IFTAP: variants seen among roughly 807,000 people sequenced by gnomAD.
The protein encoded by IFTAP is intraflagellar transport associated protein.
A neutral mutation model predicts 19.4 loss-of-function variants in IFTAP; 19 were observed. That is an observed-to-expected ratio of 0.98 (90% confidence interval 0.68 to 1.44). IFTAP has a LOEUF of 1.44. Among genes scored for constraint, IFTAP ranks in the 40% most tolerant of loss-of-function variants. IFTAP has a pLI of 0.00. For synonymous variants in IFTAP, 85 were observed against 83.5 expected, an observed-to-expected ratio of 1.02 and a Z score of -0.10; for missense variants, 240 against 253.6, an observed-to-expected ratio of 0.95 and a Z score of 0.36.
chr11:36,596,662 A>G (rs1251887316), intron 1 of IFTAP, among the ~76,000 whole-genome samples: 3 of 152,188 alleles, frequency 2.0e-5, no homozygotes, highest in Admixed American at 6.5e-5. Flanking sequence ...GGTGGGGGGA[A>G]CACCAAAGCC....
At chr11:36,618,307 A>G (rs912019808) in intron 2 of IFTAP, among the ~76,000 whole-genome samples, 1 of 152,000 alleles carries the variant, frequency 6.6e-6, no homozygotes, top group Non-Finnish European at 1.5e-5. Flanking sequence ...TCCTAATCAG[A>G]TTTCAAAGCC....
chr11:36,648,318 C>T, intron 5 of IFTAP, 163 bp downstream of exon 5: 1 of 836,672 alleles, frequency 1.2e-6, no homozygotes, highest in South Asian at 2.0e-5. Context: ...CAAATGCATA[C>T]ATTTCTTTTT....
At chr11:36,637,617 G>A (rs1482325983) in intron 4 of IFTAP, among the ~76,000 whole-genome samples, 1 of 152,154 alleles carries the variant, frequency 6.6e-6, no homozygotes, top group African/African-American at 2.4e-5. Flanking sequence ...AATTCAGAAG[G>A]TCTTTGGTGG....
chr11:36,616,101 G>T (rs548709202), intron 2 of IFTAP, among the ~76,000 whole-genome samples: 6 of 152,020 alleles, frequency 3.9e-5, no homozygotes, highest in Admixed American at 6.6e-5. Flanking sequence ...TCCATTTTAT[G>T]ACATACGGTA....
At chr11:36,601,923 G>T in intron 1 of IFTAP, among the ~76,000 whole-genome samples, 1 of 152,162 alleles carries the variant, frequency 6.6e-6, no homozygotes, top group East Asian at 1.9e-4. Flanking sequence ...AAGTGCTGGG[G>T]TTACAGGCAC....
chr11:36,652,490 A>G (rs1853783238), intron 5 of IFTAP, among the ~76,000 whole-genome samples: 1 of 152,208 alleles, frequency 6.6e-6, no homozygotes, highest in Admixed American at 6.5e-5. Flanking sequence ...CAATCATATC[A>G]TCTGCAAACA....
chr11:36,634,526 A>C (rs989121623), intron 3 of IFTAP, among the ~76,000 whole-genome samples: 1 of 152,168 alleles, frequency 6.6e-6, no homozygotes, highest in African/African-American at 2.4e-5. Context: ...GGGGAGTTTT[A>C]TCATCTGAAG....
In IFTAP at chr11:36,636,037, A is replaced by T. The variant is rs776815360; in HGVS notation, c.292-14A>T. ...TCTATTCTGCTTAAAAATTATGTTAATTCTTTTTTCTAGGTAGATAATTTC... is the reference window on the plus strand; with the variant it reads ...TCTATTCTGCTTAAAAATTATGTTATTTCTTTTTTCTAGGTAGATAATTTC... On this transcript the variant is annotated splice_polypyrimidine_tract_variant and intron_variant, in intron 3 of 5. Transcript: ENST00000334307. The T allele has an allele frequency of 3.8e-6, 6 of 1,572,274 alleles. No homozygotes were observed. The Admixed American group carries it at 1.0e-4, about 26-fold the overall frequency.
At chr11:36,630,764 A>G (rs920236065) in intron 2 of IFTAP, among the ~76,000 whole-genome samples, 4 of 151,294 alleles carry the variant, frequency 2.6e-5, no homozygotes, top group East Asian at 1.9e-4. Flanking sequence ...TTTTCTTAGT[A>G]ATTACTAGAT....
intron 1 of IFTAP, among the ~76,000 whole-genome samples, chr11:36,601,957 T>C (rs1252366878): frequency 6.6e-6 from 1 of 152,238 alleles, no homozygotes; most frequent in East Asian, 1.9e-4. Flanking sequence ...GGCCTGATTC[T>C]TAATTTCTAT....
intron 4 of IFTAP, among the ~76,000 whole-genome samples, chr11:36,646,131 A>G (rs1453070281): frequency 6.6e-6 from 1 of 152,174 alleles, no homozygotes; most frequent in African/African-American, 2.4e-5. Flanking sequence ...ACCTTGGCAA[A>G]TAGGTTAGAG....
At chr11:36,610,785 C>G (rs1353959679) in intron 2 of IFTAP, among the ~76,000 whole-genome samples, 1 of 151,912 alleles carries the variant, frequency 6.6e-6, no homozygotes, top group Non-Finnish European at 1.5e-5. Flanking sequence ...TAAGTACTTA[C>G]TGAATGTTAG....
intron 2 of IFTAP, among the ~76,000 whole-genome samples, chr11:36,629,986 A>G (rs2133443642): frequency 6.6e-6 from 1 of 151,376 alleles, no homozygotes; most frequent in Admixed American, 6.5e-5. Flanking sequence ...TATGTCTGAC[A>G]CTTATTTCAA....
intron 1 of IFTAP, among the ~76,000 whole-genome samples, chr11:36,597,365 AG>A (rs1427433945): frequency 6.6e-6 from 1 of 152,224 alleles, no homozygotes; most frequent in Non-Finnish European, 1.5e-5. Flanking sequence ...TCCTTTTAAT[AG>A]GCTACATAAA....
At chr11:36,651,201 A>G (rs1232870445) in intron 5 of IFTAP, among the ~76,000 whole-genome samples, 1 of 152,104 alleles carries the variant, frequency 6.6e-6, no homozygotes, top group Non-Finnish European at 1.5e-5. Context: ...GTTTCTCCAC[A>G]TCCTCTCCAG....
rs141819031 is a variant in IFTAP, at chr11:36,604,672, T to C, written c.-23-5409T>C. Among the ~76,000 whole-genome samples, 1,104 of 152,244 alleles carry C rather than the reference T, an allele frequency of 7.3e-3. 11 individuals carry two copies. The highest frequency in any genetic ancestry group is 0.025 in the African/African-American group (1,044 of 41,542). ...GTAAGATTGCTGCTTTGTGCTTAAT[T>C]TCCTGATGGCTTCAGATACACTTTA... On this transcript the variant is annotated intron_variant, in intron 1 of 5. Transcript: ENST00000334307.
chr11:36,639,807 A>G (rs928958972), intron 4 of IFTAP, among the ~76,000 whole-genome samples: 5 of 152,208 alleles, frequency 3.3e-5, no homozygotes, highest in Admixed American at 2.0e-4. Flanking sequence ...CTGAGGCCAA[A>G]CAAACCATAT....
intron 1 of IFTAP, among the ~76,000 whole-genome samples, chr11:36,609,755 T>G (rs1851808606): frequency 6.6e-6 from 1 of 152,170 alleles, no homozygotes; most frequent in African/African-American, 2.4e-5. Flanking sequence ...TTGAGTACTC[T>G]TTAAAGTTCC....
At chr11:36,623,128 G>A (rs531212935) in intron 2 of IFTAP, among the ~76,000 whole-genome samples, 1 of 152,062 alleles carries the variant, frequency 6.6e-6, no homozygotes, top group South Asian at 2.1e-4. Context: ...CACCTGGAAG[G>A]TACTTATTAA....
Sources: gnomAD v4.1 joint callset for allele counts (sites outside exome capture counted in the v4.1 genomes callset) on GRCh38, gnomAD v4.1.1 for gene constraint, MANE v1.5 for transcripts, NCBI Gene and HGNC (gene_info 2026-07-23, HGNC 2026-07-21) for gene names.